The following PLD5 variants were observed in gnomAD, a reference collection of about 807,000 sequenced individuals.
PLD5 encodes the protein phospholipase D family member 5, also known as inactive phospholipase D5.
PLD5 carries 36 observed loss-of-function variants against 61.1 expected under a neutral mutation model. That is an observed-to-expected ratio of 0.59 (90% CI 0.45 to 0.78). The LOEUF (loss-of-function observed/expected upper bound fraction) is 0.78, where lower values mean the gene tolerates loss of function less well. Ranked by LOEUF, PLD5 falls within the 30% of genes least tolerant of loss-of-function variation. The pLI is 0.00. For synonymous variants in PLD5, 243 were observed against 242.8 expected (o/e 1.00, Z -0.01); for missense variants, 515 against 644.4 (o/e 0.80, Z 2.17).
intron 1 of PLD5, among the ~76,000 whole-genome samples, chr1:242,369,102 C>G (rs1365775549): frequency 1.3e-5 from 2 of 152,044 alleles, no homozygotes; most frequent in Non-Finnish European, 2.9e-5. Context: ...GATCAAAGTT[C>G]CTCAATGAAA....
intron 1 of PLD5, among the ~76,000 whole-genome samples, chr1:242,466,892 C>CAA (rs10716134): frequency 0.01 from 1,442 of 141,668 alleles, 27 homozygotes; most frequent in African/African-American, 0.036. Flanking sequence ...GACTCCATCT[C>CAA]AAAAAAAAAA....
At chr1:242,190,798 A>T (rs1432615614) in intron 5 of PLD5, among the ~76,000 whole-genome samples, 6 of 152,198 alleles carry the variant, frequency 3.9e-5, no homozygotes, top group Non-Finnish European at 8.8e-5. Flanking sequence ...CAGAATCCAG[A>T]GGAAGCTTTA....
intron 1 of PLD5, among the ~76,000 whole-genome samples, chr1:242,374,591 C>T (rs1455223294): frequency 6.6e-6 from 1 of 152,106 alleles, no homozygotes; most frequent in East Asian, 1.9e-4. Flanking sequence ...TTCCCCTTTG[C>T]CTTTCTGTGT....
At chr1:242,392,332 T>C (rs1431527819) in intron 1 of PLD5, among the ~76,000 whole-genome samples, 1 of 152,130 alleles carries the variant, frequency 6.6e-6, no homozygotes, top group South Asian at 2.1e-4. Context: ...GGGGATGGGA[T>C]CATTCATACC....
At chr1:242,107,556 G>T in intron 8 of PLD5, 115 bp downstream of exon 8, 1 of 1,006,766 alleles carries the variant, frequency 9.9e-7, no homozygotes, top group Non-Finnish European at 1.4e-6. Flanking sequence ...GCTTTTTGAA[G>T]ATTGCCGTCC....
At position 242,273,443 on chromosome 1, in the gene PLD5, G is replaced by A. The variant is rs114091898; in HGVS notation, c.496-7995C>T. Among the ~76,000 whole-genome samples, 472 of 152,178 alleles carry A rather than the reference G, an allele frequency of 3.1e-3. 1 individual carries two copies. The highest frequency in any genetic ancestry group is 0.011 in the African/African-American group (460 of 41,516). On this transcript the variant is annotated intron_variant, in intron 3 of 9. Transcript: ENST00000536534. ...CGAAACAGTTAAAAAGGTTTAATCC[G>A]GCACATATGAAGGGACCTCTATATT...
At chr1:242,476,743 C>G (rs1263088236) in intron 1 of PLD5, among the ~76,000 whole-genome samples, 2 of 152,168 alleles carry the variant, frequency 1.3e-5, no homozygotes, top group African/African-American at 2.4e-5. Context: ...TTCTGTTACC[C>G]TTTCTGTTCT....
intron 1 of PLD5, among the ~76,000 whole-genome samples, chr1:242,473,742 G>C (rs1667508429): frequency 6.6e-6 from 1 of 152,170 alleles, no homozygotes; most frequent in Non-Finnish European, 1.5e-5. Flanking sequence ...ATCCAGGGAA[G>C]AAAATAGAAG....
chr1:242,334,080 T>C (rs1341782377), intron 2 of PLD5, among the ~76,000 whole-genome samples: 1 of 152,158 alleles, frequency 6.6e-6, no homozygotes, highest in Non-Finnish European at 1.5e-5. Flanking sequence ...GGAACTTCCA[T>C]ACTGTTCTCC....
intron 1 of PLD5, among the ~76,000 whole-genome samples, chr1:242,452,868 G>A (rs1489399719): frequency 6.6e-6 from 1 of 151,498 alleles, no homozygotes; most frequent in Non-Finnish European, 1.5e-5. Flanking sequence ...GCACCCCCTA[G>A]GTCCTATCTT....
rs1388086243 is a variant in PLD5, at chr1:242,498,185, G to T, written c.189+25903C>A. On this transcript the variant is annotated intron_variant, in intron 1 of 9. Coordinates refer to ENST00000536534, the MANE Select transcript of PLD5 (RefSeq NM_001372062.1). ...TCACCATGTTGATCAGGCTAGCCTC[G>T]AACTCCTGACCTCGTGATCCGCCCA... Among the ~76,000 whole-genome samples, 5 of 152,184 alleles carry T rather than the reference G, an allele frequency of 3.3e-5. No individual in the cohort carries two copies. In the East Asian group the frequency reaches 9.7e-4, roughly 29 times the overall value.
chr1:242,285,732 C>T (rs1674983211), intron 3 of PLD5, among the ~76,000 whole-genome samples: 1 of 151,564 alleles, frequency 6.6e-6, no homozygotes, highest in South Asian at 2.1e-4. Context: ...ATTCTTCAGG[C>T]AGATTACAAG....
intron 2 of PLD5, among the ~76,000 whole-genome samples, chr1:242,325,427 A>T (rs984766321): frequency 1.9e-5 from 1 of 53,734 alleles, no homozygotes; most frequent in Non-Finnish European, 3.4e-5. Context: ...AGCGAGAGAA[A>T]GGGGTGGGGG....
intron 5 of PLD5, among the ~76,000 whole-genome samples, chr1:242,185,314 C>T (rs1372578910): frequency 6.6e-6 from 1 of 152,072 alleles, no homozygotes; most frequent in Admixed American, 6.5e-5. Flanking sequence ...AAACTAAAGA[C>T]AGTAAGGGAG....
chr1:242,148,452 T>C (rs1664696489), intron 5 of PLD5, among the ~76,000 whole-genome samples: 1 of 151,410 alleles, frequency 6.6e-6, no homozygotes, highest in Admixed American at 6.6e-5. Flanking sequence ...TATTTCAAAA[T>C]TGTTGTAGCT....
At chr1:242,102,604 C>T (rs1386917643) in intron 8 of PLD5, among the ~76,000 whole-genome samples, 2 of 152,174 alleles carry the variant, frequency 1.3e-5, no homozygotes, top group South Asian at 2.1e-4. Context: ...GTGCCCACTC[C>T]TTTAAGGACA....
At chr1:242,117,225 AT>A (rs1270068785) in intron 6 of PLD5, among the ~76,000 whole-genome samples, 1 of 152,002 alleles carries the variant, frequency 6.6e-6, no homozygotes, top group Non-Finnish European at 1.5e-5. Context: ...GTGACCCCAA[AT>A]GCAAGTAATT....
intron 3 of PLD5, among the ~76,000 whole-genome samples, chr1:242,279,715 G>C (rs1171048277): frequency 6.6e-6 from 1 of 152,030 alleles, no homozygotes; most frequent in Non-Finnish European, 1.5e-5. Context: ...TTGTATTTTA[G>C]TAGAAATGGG....
At chr1:242,506,309 TG>T (rs989827490) in intron 1 of PLD5, among the ~76,000 whole-genome samples, 1 of 152,156 alleles carries the variant, frequency 6.6e-6, no homozygotes, top group Non-Finnish European at 1.5e-5. Flanking sequence ...TGGAGGCGCC[TG>T]GGTGTAAGGA....
Sources: allele counts gnomAD v4.1 joint callset (sites outside exome capture counted in the v4.1 genomes callset), GRCh38; gene constraint gnomAD v4.1.1; transcripts MANE v1.5; gene names NCBI Gene and HGNC (gene_info 2026-07-23, HGNC 2026-07-21).